SCN2A: variants seen among roughly 807,000 people sequenced by gnomAD.
SCN2A encodes sodium voltage-gated channel alpha subunit 2, also known as sodium channel protein type 2 subunit alpha.
In SCN2A, 20 loss-of-function variants were observed where a neutral mutation model predicts 188.7. The ratio of observed to expected loss-of-function variants is 0.11; its 90% confidence interval spans 0.07 to 0.15. The LOEUF (loss-of-function observed/expected upper bound fraction) is 0.15, where lower values mean the gene tolerates loss of function less well. SCN2A is among the 10% of genes least tolerant of loss of function. The pLI is 1.00. For missense variants in SCN2A, 1,278 were observed against 2,445.0 expected, an observed-to-expected ratio of 0.52 and a Z score of 10.07; for synonymous variants, 804 against 833.1, an observed-to-expected ratio of 0.97 and a Z score of 0.60.
At chr2:165,319,537 G>C (rs1697960503) in intron 11 of SCN2A, among the ~76,000 whole-genome samples, 1 of 152,154 alleles carries the variant, frequency 6.6e-6, no homozygotes, top group African/African-American at 2.4e-5. Flanking sequence ...TGCTGATAAA[G>C]TTATACCCAA....
At chr2:165,377,075 A>G (rs1392223713) in intron 22 of SCN2A, among the ~76,000 whole-genome samples, 1 of 152,092 alleles carries the variant, frequency 6.6e-6, no homozygotes, top group African/African-American at 2.4e-5. Flanking sequence ...AGATTAGGAA[A>G]CTGCTTCCTC....
At chr2:165,329,512 A>G (rs946416742) in intron 13 of SCN2A, among the ~76,000 whole-genome samples, 5 of 152,044 alleles carry the variant, frequency 3.3e-5, no homozygotes, top group African/African-American at 9.7e-5. Flanking sequence ...GAATGATTTT[A>G]TTTTAGAACT....
At chr2:165,266,874 A>G (rs868527573) in intron 1 of SCN2A, 2 of 152,164 alleles carry the variant, frequency 1.3e-5, no homozygotes, top group African/African-American at 4.8e-5. Flanking sequence ...AACACTAAGA[A>G]TCAACTATTT....
chr2:165,299,309 A>G (rs11899938), intron 3 of SCN2A, among the ~76,000 whole-genome samples: 1 of 152,054 alleles, frequency 6.6e-6, no homozygotes, highest in Non-Finnish European at 1.5e-5. Flanking sequence ...GGGGGAAAGA[A>G]CTCACCCTCC....
chr2:165,300,952 G>A (rs1275175823), intron 3 of SCN2A, among the ~76,000 whole-genome samples: 4 of 152,186 alleles, frequency 2.6e-5, no homozygotes, highest in African/African-American at 4.8e-5. Flanking sequence ...AGGCAAGAGA[G>A]CATGGTGGCT....
At chr2:165,263,143 T>A (rs1220795128) in intron 1 of SCN2A, among the ~76,000 whole-genome samples, 1 of 152,116 alleles carries the variant, frequency 6.6e-6, no homozygotes, top group African/African-American at 2.4e-5. Flanking sequence ...TGGATATTAG[T>A]CTTTTGTCAG....
At chr2:165,305,580 G>A (rs1697075103) in intron 3 of SCN2A, among the ~76,000 whole-genome samples, 1 of 150,670 alleles carries the variant, frequency 6.6e-6, no homozygotes, top group Non-Finnish European at 1.5e-5. Context: ...GCATGAAGAA[G>A]CCAGGGAATT....
intron 17 of SCN2A, among the ~76,000 whole-genome samples, chr2:165,361,034 C>A (rs960760655): frequency 6.6e-6 from 1 of 151,838 alleles, no homozygotes; most frequent in African/African-American, 2.4e-5. Context: ...TTTTTATATT[C>A]CTAATTTGAT....
intron 1 of SCN2A, among the ~76,000 whole-genome samples, chr2:165,242,492 C>T (rs192915494): frequency 3.4e-4 from 52 of 152,156 alleles, no homozygotes; most frequent in African/African-American, 1.2e-3. Context: ...ATTTAGTTAT[C>T]ATTATTAGGT....
At chr2:165,381,357 A>G (rs1226493687) in intron 25 of SCN2A, among the ~76,000 whole-genome samples, 160 bp downstream of exon 25, 1 of 151,886 alleles carries the variant, frequency 6.6e-6, no homozygotes, top group African/African-American at 2.4e-5. Context: ...AATGTACTTT[A>G]CATATATAAT....
intron 3 of SCN2A, among the ~76,000 whole-genome samples, chr2:165,306,128 C>T (rs1559349968): frequency 6.6e-6 from 1 of 151,966 alleles, no homozygotes; most frequent in African/African-American, 2.4e-5. Context: ...GAAGTGGAGG[C>T]GGGGCATTGT....
At chr2:165,356,917 A>G (rs1306241323) in intron 17 of SCN2A, among the ~76,000 whole-genome samples, 3 of 152,178 alleles carry the variant, frequency 2.0e-5, no homozygotes, top group Non-Finnish European at 4.4e-5. Flanking sequence ...CTAAAATAAT[A>G]TTTGTGAATT....
chr2:165,257,348 C>T (rs1057382287), intron 1 of SCN2A, among the ~76,000 whole-genome samples: 2 of 152,248 alleles, frequency 1.3e-5, no homozygotes, highest in East Asian at 1.9e-4. Flanking sequence ...AGAGATATTA[C>T]GGGTTCAGTT....
chr2:165,318,527 T>A lies in SCN2A; in HGVS notation c.1671+2769T>A, dbSNP rs116831824. On this transcript the variant is annotated intron_variant, in intron 11 of 26. Transcript: ENST00000375437. ...GATTACTATGCATTTATGTAATGAATGTCAGCAAAAGAAGTTGATGCTAAC... is the reference window on the plus strand; with the variant it reads ...GATTACTATGCATTTATGTAATGAAAGTCAGCAAAAGAAGTTGATGCTAAC... Among the ~76,000 whole-genome samples the A allele has an allele frequency of 8.2e-3, 1,252 of 152,360 alleles. 24 individuals carry two copies. Among genetic ancestry groups the A allele is most frequent in the African/African-American group, 0.028 (1,158 of 41,584 alleles).
At chr2:165,313,004 G>A (rs536733161) in intron 8 of SCN2A, among the ~76,000 whole-genome samples, 75 of 152,180 alleles carry the variant, frequency 4.9e-4, no homozygotes, top group South Asian at 1.5e-3. Context: ...GTTACATACA[G>A]TATCTTCTTC....
intron 11 of SCN2A, among the ~76,000 whole-genome samples, chr2:165,317,109 T>G (rs893692415): frequency 6.6e-6 from 1 of 152,168 alleles, no homozygotes; most frequent in Non-Finnish European, 1.5e-5. Flanking sequence ...ACATGTGATA[T>G]ATATAAATTT....
intron 1 of SCN2A, among the ~76,000 whole-genome samples, chr2:165,249,874 A>T (rs1694011700): frequency 6.6e-6 from 1 of 152,088 alleles, no homozygotes; most frequent in Non-Finnish European, 1.5e-5. Flanking sequence ...TACTGAAAAA[A>T]AATTCCACTG....
At chr2:165,284,059 TTC>T (rs559782741) in intron 1 of SCN2A, among the ~76,000 whole-genome samples, 11 of 150,536 alleles carry the variant, frequency 7.3e-5, no homozygotes, top group Non-Finnish European at 1.2e-4. Flanking sequence ...CTCTCTCTCT[TTC>T]TCTCTCTCTC....
intron 17 of SCN2A, among the ~76,000 whole-genome samples, chr2:165,361,710 ATTCC>A (rs1188790623): frequency 1.3e-5 from 2 of 152,040 alleles, no homozygotes; most frequent in Admixed American, 6.6e-5. Flanking sequence ...ATAAGATTGC[ATTCC>A]TTAAAGAGGC....
Sources: gnomAD v4.1 joint callset for allele counts (sites outside exome capture counted in the v4.1 genomes callset) on GRCh38, gnomAD v4.1.1 for gene constraint, MANE v1.5 for transcripts, NCBI Gene and HGNC (gene_info 2026-07-23, HGNC 2026-07-21) for gene names.